Variants in MYH14 observed in about 807,000 individuals in gnomAD.
MYH14 encodes myosin-14.
Under a neutral mutation model 255.5 loss-of-function variants are expected in MYH14, and 123 were observed. The ratio of observed to expected loss-of-function variants is 0.48; its 90% CI spans 0.42 to 0.56. The LOEUF (loss-of-function observed/expected upper bound fraction) is 0.56, where lower values mean the gene tolerates loss of function less well. Ranked by LOEUF, MYH14 falls within the 20% of genes least tolerant of loss-of-function variation. MYH14 has a pLI of 0.00. For missense variants in MYH14, 2,423 were observed against 2,802.3 expected (o/e 0.86, Z 3.06); for synonymous variants, 1,095 against 1,161.2 (o/e 0.94, Z 1.16).
intron 3 of MYH14, among the ~76,000 whole-genome samples, chr19:50,222,714 A>T (rs1455491067): frequency 1.3e-5 from 2 of 152,042 alleles, no homozygotes; most frequent in African/African-American, 4.8e-5. Flanking sequence ...GCTGGGGTAG[A>T]CATCTTATAT....
In MYH14 at chr19:50,210,481, G is replaced by A. The variant is rs1481576159; in HGVS notation, c.116G>A (p.Gly39Glu). ...CCCCGCGGGCCCAGCGCGGGTGGCG[G>A]GCCTGGCTCGGGCACCTCCCCGCAG... ...FTPRGPSAGG[G>E]PGSGTSPQVE... The change falls in exon 2 of 43, where the codon GGG (glycine) becomes GAG (glutamate). Residue 39 changes from glycine (G) to glutamate (E), a missense_variant. Around this residue, in one of 3 missense-constraint regions of MYH14, gnomAD observed 238 missense variants for 245.8 expected, o/e 0.97. Transcript: ENST00000642316. The A allele has an allele frequency of 1.3e-6, 2 of 1,551,592 alleles. No individual in the cohort carries two copies. Among genetic ancestry groups the A allele is most frequent in the Non-Finnish European group, 1.7e-6 (2 of 1,149,218 alleles).
chr19:50,211,779 C>T (rs562876238), intron 2 of MYH14, among the ~76,000 whole-genome samples: 2 of 150,268 alleles, frequency 1.3e-5, no homozygotes, highest in Admixed American at 6.7e-5. Flanking sequence ...CCCAGGAGTT[C>T]GGGACCATCC....
chr19:50,302,153 G>A (rs930962865), intron 40 of MYH14, among the ~76,000 whole-genome samples: 9 of 148,750 alleles, frequency 6.1e-5, no homozygotes, highest in Admixed American at 1.4e-4. Flanking sequence ...GTGTGTTAGC[G>A]TGTGCCTGTA....
At chr19:50,273,601 GGTGT>G (rs56095197) in intron 27 of MYH14, among the ~76,000 whole-genome samples, 2 of 137,474 alleles carry the variant, frequency 1.5e-5, no homozygotes, top group African/African-American at 2.7e-5. Context: ...GAACATGGGG[GGTGT>G]GTGTGTGTGT....
chr19:50,232,448 G>A (rs1269823269), intron 10 of MYH14, among the ~76,000 whole-genome samples: 2 of 151,800 alleles, frequency 1.3e-5, no homozygotes, highest in African/African-American at 4.8e-5. Context: ...AAAAAAGTTA[G>A]CCAGGCGTGG....
Position 50,250,579 on chromosome 19 carries a change from A to C in MYH14, c.1721A>C (p.Lys574Thr), listed in dbSNP as rs1600940905. 6.2e-7 allele frequency: 1 copy of C among 1,614,044 alleles called. No homozygotes were observed. Among genetic ancestry groups the C allele is most frequent in the African/African-American group, 1.3e-5 (1 of 75,052 alleles). The change falls in exon 15 of 43, where the codon AAG becomes ACG. Residue 574 changes from lysine (K) to threonine (T), a missense_variant. This residue lies in a region of MYH14 where 672 missense variants were observed against 881.8 expected (regional missense o/e 0.76). Coordinates refer to ENST00000642316, the MANE Select transcript of MYH14 (RefSeq NM_001145809.2). The surrounding 1 kb of genome is among the most constrained non-coding windows in gnomAD (Gnocchi z 5.4). Reference sequence around the variant, plus strand: ...TGCTGGTTCCCGAAGGCCACAGACAAGTCGTTTGTGGAGAAGGTAGCCCAG... The same window carrying C: ...TGCTGGTTCCCGAAGGCCACAGACACGTCGTTTGTGGAGAAGGTAGCCCAG... ...EECWFPKATDKSFVEKVAQEQ... is the reference protein window; with the variant it reads ...EECWFPKATDTSFVEKVAQEQ...
rs748329932 is a variant in MYH14, at chr19:50,286,543, C to T, written c.4601C>T (p.Ala1534Val). Residue 1534 changes from alanine to valine, a missense_variant, in exon 34 of 43, where the codon GCA becomes GTA. Ala to Val is a moderately conservative substitution (Grantham distance 64). Around this residue, in one of 3 missense-constraint regions of MYH14, gnomAD observed 1,513 missense variants for 1,674.8 expected, o/e 0.90. Coordinates refer to ENST00000642316, the MANE Select transcript of MYH14 (RefSeq NM_001145809.2). ...GTGGAGGAACGTGAGCGGGCCGAGG[C>T]AGAGGGCCGGGAGCGTGAGGCTCGG... ...RAVEERERAE[A>V]EGREREARAL... 6.2e-7 allele frequency: 1 copy of T among 1,613,298 alleles called. No homozygotes were observed. Among genetic ancestry groups the T allele is most frequent in the South Asian group, 1.1e-5 (1 of 90,810 alleles).
At position 50,271,867 on chromosome 19, in the gene MYH14, G is replaced by T; in HGVS notation, c.3190G>T (p.Asp1064Tyr). The change falls in exon 26 of 43, where the codon GAT becomes TAT. Residue 1064 changes from aspartate (D) to tyrosine (Y), a missense_variant. Coordinates refer to ENST00000642316, the MANE Select transcript of MYH14 (RefSeq NM_001145809.2). ...KLSKERKLLEDRLAEFSSQAA... is the reference protein window; with the variant it reads ...KLSKERKLLEYRLAEFSSQAA... ...CCCTCAGGAGCGGAAGCTGCTGGAAGATCGTCTGGCCGAGTTCTCATCCCA... is the reference window on the plus strand; with the variant it reads ...CCCTCAGGAGCGGAAGCTGCTGGAATATCGTCTGGCCGAGTTCTCATCCCA... The T allele has an allele frequency of 6.2e-7, 1 of 1,613,468 alleles. No individual in the cohort carries two copies. The highest frequency in any genetic ancestry group is 2.2e-5 in the East Asian group (1 of 44,866).
intron 3 of MYH14, among the ~76,000 whole-genome samples, chr19:50,220,629 C>T (rs562315343): frequency 9.9e-5 from 15 of 151,886 alleles, no homozygotes; most frequent in Middle Eastern, 3.4e-3. Context: ...GACCTTAGCT[C>T]GCTGCAACCT....
chr19:50,258,825 G>A, intron 18 of MYH14: 1 of 284,532 alleles, frequency 3.5e-6, no homozygotes, highest in Non-Finnish European at 6.5e-6. Flanking sequence ...AGGCCTTTTG[G>A]CGACTCTCTT....
Position 50,276,884 on chromosome 19 carries a change from C to T in MYH14, c.3808C>T (p.Leu1270=), listed in dbSNP as rs767642027. 3 of 1,424,018 alleles carry T rather than the reference C, an allele frequency of 2.1e-6. No homozygotes were observed. The highest frequency in any genetic ancestry group is 2.3e-5 in the South Asian group (2 of 88,052). The allele number at this position is 1,424,018 out of a possible 1,614,324, so 88.2% of individuals were successfully genotyped here. A position where few individuals can be genotyped will look rare whatever the true frequency, so the allele number is the denominator to read the frequency against. Reference sequence around the variant, plus strand: ...GGCCCTGGGGGAGCTGGCGGAGCAGCTGGAGCAGGCCCGGAGGGTGGGTTG... The same window carrying T: ...GGCCCTGGGGGAGCTGGCGGAGCAGTTGGAGCAGGCCCGGAGGGTGGGTTG... ...GQALGELAEQ[L]EQARRGKGAW... The change falls in exon 29 of 43, where the codon CTG becomes TTG. Residue 1270 remains leucine (L), a synonymous_variant. Transcript: ENST00000642316. This position sits in a 1 kb window ranked among gnomAD's most constrained non-coding sequence, Gnocchi z 4.3.
At chr19:50,248,059 CAAAA>C (rs10588130) in intron 12 of MYH14, among the ~76,000 whole-genome samples, 17 of 106,794 alleles carry the variant, frequency 1.6e-4, no homozygotes, top group East Asian at 2.7e-4. Context: ...GACTCTGTCT[CAAAA>C]AAAAAAAAAA....
rs753816947 is a variant in MYH14, at chr19:50,260,822, AGTGTGTGTGCATGCACGTGTGTGC to A, written c.2424+117_2424+140del. 26 of 746,482 alleles carry A rather than the reference AGTGTGTGTGCATGCACGTGTGTGC, an allele frequency of 3.5e-5. 1 individual carries two copies. Among genetic ancestry groups the A allele is most frequent in the African/African-American group, 8.9e-5 (5 of 56,174 alleles). The allele number at this position is 746,482 out of a possible 1,614,324, so 46.2% of individuals were successfully genotyped here. A position where few individuals can be genotyped will look rare whatever the true frequency, so the allele number is the denominator to read the frequency against. On this transcript the variant is annotated intron_variant, in intron 20 of 42. Coordinates refer to ENST00000642316, the MANE Select transcript of MYH14 (RefSeq NM_001145809.2). The stretch of plus-strand genomic sequence containing the variant: ...ATATGTGTGCATGCGTGTGTGTGCA[AGTGTGTGTGCATGCACGTGTGTGC>A]GTGTGTGTGTGCATGCATATGTGTG...
intron 29 of MYH14, among the ~76,000 whole-genome samples, chr19:50,277,256 C>G (rs891712871): frequency 6.6e-6 from 1 of 151,958 alleles, no homozygotes; most frequent in East Asian, 1.9e-4. Context: ...AATTCTAAGG[C>G]GGGTGAGTTT....
At chr19:50,233,012 T>C (rs910292851) in intron 10 of MYH14, among the ~76,000 whole-genome samples, 1 of 151,818 alleles carries the variant, frequency 6.6e-6, no homozygotes, top group Non-Finnish European at 1.5e-5. Context: ...CACACTGGAG[T>C]GGGTGGTGCT....
chr19:50,251,604 G>A (rs2034402483), intron 15 of MYH14, among the ~76,000 whole-genome samples: 1 of 150,478 alleles, frequency 6.6e-6, no homozygotes, highest in South Asian at 2.1e-4. Context: ...TTGAGACAGA[G>A]TCTCCCTCTG....
chr19:50,254,171 C>T (rs979569214), intron 16 of MYH14, among the ~76,000 whole-genome samples: 5 of 148,930 alleles, frequency 3.4e-5, no homozygotes, highest in African/African-American at 7.5e-5. Context: ...GAGCCGAGAT[C>T]GTGCCATTGC....
intron 10 of MYH14, among the ~76,000 whole-genome samples, chr19:50,243,583 G>A (rs927456679): frequency 3.3e-5 from 5 of 152,202 alleles, no homozygotes; most frequent in Admixed American, 1.3e-4. Flanking sequence ...AGCTATGATC[G>A]TGCCACTGCA....
intron 17 of MYH14, among the ~76,000 whole-genome samples, chr19:50,256,216 C>T (rs1254050024): frequency 6.6e-6 from 1 of 152,060 alleles, no homozygotes; most frequent in African/African-American, 2.4e-5. Context: ...GAGGTTGAGG[C>T]TGCAGTGAGC....
Sources: allele counts gnomAD v4.1 joint callset (sites outside exome capture counted in the v4.1 genomes callset), GRCh38; gene constraint gnomAD v4.1.1; regional missense constraint gnomAD v4.1.1; non-coding constraint Gnocchi (gnomAD v3.1); transcripts MANE v1.5; gene names NCBI Gene and HGNC (gene_info 2026-07-23, HGNC 2026-07-21).